TRPC4: variants seen among roughly 807,000 people sequenced by gnomAD.
TRPC4 encodes transient receptor potential cation channel subfamily C member 4.
In TRPC4, 49 loss-of-function variants were observed where a neutral mutation model predicts 99.4. The observed-to-expected ratio is 0.49, with a 90% CI of 0.39 to 0.63. The LOEUF (loss-of-function observed/expected upper bound fraction) is 0.63. Ranked by LOEUF, TRPC4 falls within the 20% of genes least tolerant of loss-of-function variation. The pLI, the probability that TRPC4 is intolerant of heterozygous loss-of-function variation, is 0.00. For synonymous variants in TRPC4, 454 were observed against 425.9 expected (o/e 1.07, Z -0.81); for missense variants, 898 against 1,152.9 (o/e 0.78, Z 3.20).
At chr13:37,667,841 C>G (rs1172045149) in intron 5 of TRPC4, among the ~76,000 whole-genome samples, 1 of 152,188 alleles carries the variant, frequency 6.6e-6, no homozygotes, top group East Asian at 1.9e-4. Flanking sequence ...CACATTCTTA[C>G]CAAAATGCTT....
At chr13:37,669,727 T>C (rs1593474361) in intron 5 of TRPC4, among the ~76,000 whole-genome samples, 1 of 152,256 alleles carries the variant, frequency 6.6e-6, no homozygotes, top group East Asian at 1.9e-4. Flanking sequence ...AGCAGAGAAA[T>C]TTGAGGCACA....
intron 3 of TRPC4, among the ~76,000 whole-genome samples, chr13:37,705,976 C>A (rs1052211696): frequency 6.6e-6 from 1 of 152,126 alleles, no homozygotes. Context: ...CTTTCAACTC[C>A]GCTTCAGATT....
At chr13:37,824,286 C>T (rs1210533016) in intron 1 of TRPC4, among the ~76,000 whole-genome samples, 1 of 145,242 alleles carries the variant, frequency 6.9e-6, no homozygotes, top group Non-Finnish European at 1.5e-5. Flanking sequence ...CCTAATTGCC[C>T]TGGCCAGAAC....
chr13:37,827,993 C>T (rs1226770244), intron 1 of TRPC4, among the ~76,000 whole-genome samples: 4 of 152,118 alleles, frequency 2.6e-5, no homozygotes, highest in Non-Finnish European at 4.4e-5. Flanking sequence ...TTTTTAAGCC[C>T]GTCGGAAAAG....
At chr13:37,851,057 T>C (rs1305819821) in intron 1 of TRPC4, among the ~76,000 whole-genome samples, 1 of 152,198 alleles carries the variant, frequency 6.6e-6, no homozygotes, top group African/African-American at 2.4e-5. Context: ...AATGAGAAGA[T>C]AAAATTTATT....
chr13:37,692,464 A>C (rs1036985529), intron 3 of TRPC4, 129 bp from the exon 4 acceptor site: 1 of 873,302 alleles, frequency 1.1e-6, no homozygotes, highest in African/African-American at 1.7e-5. Context: ...ACATTTAAAC[A>C]ATCAAAAGGC....
intron 6 of TRPC4, among the ~76,000 whole-genome samples, chr13:37,660,547 T>G (rs997229734): frequency 2.2e-4 from 33 of 152,144 alleles, no homozygotes; most frequent in Non-Finnish European, 4.1e-4. Flanking sequence ...TGGGAAATAT[T>G]GGGTTCAAAA....
chr13:37,785,884 T>G (rs1397884415), intron 1 of TRPC4, among the ~76,000 whole-genome samples: 1 of 152,102 alleles, frequency 6.6e-6, no homozygotes, highest in Non-Finnish European at 1.5e-5. Flanking sequence ...TACTAATATC[T>G]ATTTCATTTA....
chr13:37,820,700 C>A (rs1264847665), intron 1 of TRPC4, among the ~76,000 whole-genome samples: 1 of 152,092 alleles, frequency 6.6e-6, no homozygotes, highest in African/African-American at 2.4e-5. Flanking sequence ...ATGATTATCT[C>A]CATAGATGAA....
chr13:37,847,150 T>C (rs1455122523), intron 1 of TRPC4, among the ~76,000 whole-genome samples: 1 of 151,898 alleles, frequency 6.6e-6, no homozygotes, highest in African/African-American at 2.4e-5. Context: ...AGAAAATAAA[T>C]AAGGGAACAT....
At chr13:37,762,748 A>G (rs1376092162) in intron 2 of TRPC4, among the ~76,000 whole-genome samples, 1 of 146,114 alleles carries the variant, frequency 6.8e-6, no homozygotes, top group African/African-American at 2.5e-5. Context: ...GGATAGCATT[A>G]GGAGATATAC....
chr13:37,849,374 C>T (rs893542417), intron 1 of TRPC4, among the ~76,000 whole-genome samples: 1 of 152,114 alleles, frequency 6.6e-6, no homozygotes, highest in African/African-American at 2.4e-5. Flanking sequence ...CTGTGAGGTG[C>T]GTTCTCCTGA....
At chr13:37,682,481 G>A (rs1056186114) in intron 4 of TRPC4, among the ~76,000 whole-genome samples, 7 of 152,170 alleles carry the variant, frequency 4.6e-5, no homozygotes. Flanking sequence ...GAGGCACTCA[G>A]TTAAGGGGCA....
intron 1 of TRPC4, among the ~76,000 whole-genome samples, chr13:37,821,223 C>CAT (rs1958001588): frequency 6.7e-6 from 1 of 150,146 alleles, no homozygotes; most frequent in African/African-American, 2.4e-5. Context: ...CACACACACA[C>CAT]ACACACACAA....
chr13:37,770,225 T>C (rs972639828), intron 2 of TRPC4, among the ~76,000 whole-genome samples: 2 of 151,522 alleles, frequency 1.3e-5, no homozygotes, highest in African/African-American at 4.8e-5. Flanking sequence ...ACTCAAGGAC[T>C]AATAATCTCA....
chr13:37,752,806 A>AAAGAAGAT, intron 2 of TRPC4, among the ~76,000 whole-genome samples: 1 of 152,118 alleles, frequency 6.6e-6, no homozygotes, highest in Non-Finnish European at 1.5e-5. Flanking sequence ...CAAAAAAAAT[A>AAAGAAGAT]AAGAAGATAA....
intron 4 of TRPC4, 22 bp from the exon 5 acceptor site, chr13:37,674,389 T>C (rs1437198987): frequency 6.3e-7 from 1 of 1,593,642 alleles, no homozygotes; most frequent in Non-Finnish European, 8.5e-7. Flanking sequence ...GAAAGATTCA[T>C]TGTAAGTATG....
chr13:37,641,668 T>C (rs528174368), intron 8 of TRPC4, among the ~76,000 whole-genome samples: 1 of 152,254 alleles, frequency 6.6e-6, no homozygotes, highest in African/African-American at 2.4e-5. Context: ...AGTTCCTACT[T>C]TCTAGGAGAA....
intron 4 of TRPC4, among the ~76,000 whole-genome samples, chr13:37,689,725 G>A (rs1052259567): frequency 3.9e-5 from 6 of 152,166 alleles, no homozygotes; most frequent in African/African-American, 1.4e-4. Flanking sequence ...TAGAAGCTTG[G>A]TGTGTAGCAG....
Sources: gnomAD v4.1 joint callset for allele counts (sites outside exome capture counted in the v4.1 genomes callset) on GRCh38, gnomAD v4.1.1 for gene constraint, MANE v1.5 for transcripts, NCBI Gene and HGNC (gene_info 2026-07-23, HGNC 2026-07-21) for gene names.